The following TRABD2B variants were observed in gnomAD, a reference collection of about 807,000 sequenced individuals.
TRABD2B encodes TraB domain containing 2B.
TRABD2B carries 14 observed loss-of-function variants against 40.1 expected under a neutral mutation model. That is an observed-to-expected ratio of 0.35 (90% CI 0.23 to 0.55). The LOEUF is 0.55. Among genes scored for constraint, TRABD2B ranks in the 20% least tolerant of loss-of-function variants. The probability of loss-of-function intolerance (pLI) is 0.90; values close to 1 mark genes in which losing one functional copy is unlikely to be tolerated. For synonymous variants in TRABD2B, 263 were observed against 277.0 expected, an observed-to-expected ratio of 0.95 and a Z score of 0.50; for missense variants, 541 against 648.6, an observed-to-expected ratio of 0.83 and a Z score of 1.80.
chr1:47,770,092 C>G (rs1644359067), intron 6 of TRABD2B, among the ~76,000 whole-genome samples: 1 of 152,206 alleles, frequency 6.6e-6, no homozygotes. Context: ...AGGATCTGGG[C>G]ATCCCAAGCC....
Position 47,996,673 on chromosome 1 carries a change from C to CA in TRABD2B, c.102+14dup, listed in dbSNP as rs1289931620. The CA allele has an allele frequency of 8.1e-7, 1 of 1,228,702 alleles. No individual in the cohort carries two copies. The highest frequency in any genetic ancestry group is 1.6e-5 in the African/African-American group (1 of 64,174). 76.1% of individuals were successfully genotyped at this position (1,228,702 alleles called of 1,614,324 possible). A position where few individuals can be genotyped will look rare whatever the true frequency, so the allele number is the denominator to read the frequency against. The stretch of plus-strand genomic sequence containing the variant: ...CCAGGCAGGCGGGAGAGTGGCCGGG[C>CA]AGGCGCTCGCTCACCGATCCGGGCG... On this transcript the variant is annotated intron_variant, in intron 1 of 6. Coordinates refer to ENST00000606738, the MANE Select transcript of TRABD2B (RefSeq NM_001194986.2). This position sits in a 1 kb window ranked among gnomAD's most constrained non-coding sequence, Gnocchi z 4.6.
intron 2 of TRABD2B, among the ~76,000 whole-genome samples, chr1:47,984,099 C>T (rs1645881570): frequency 6.6e-6 from 1 of 152,230 alleles, no homozygotes; most frequent in Non-Finnish European, 1.5e-5. Flanking sequence ...CAGGAGATAA[C>T]ACTGGCCAGG....
intron 2 of TRABD2B, among the ~76,000 whole-genome samples, chr1:47,857,857 C>T (rs185619525): frequency 4.8e-4 from 73 of 152,022 alleles, no homozygotes; most frequent in Non-Finnish European, 6.2e-4. Flanking sequence ...AGGACTGTGC[C>T]AAGCATTTTG....
intron 2 of TRABD2B, among the ~76,000 whole-genome samples, chr1:47,913,462 C>A (rs1233778676): frequency 6.6e-6 from 1 of 152,180 alleles, no homozygotes; most frequent in Non-Finnish European, 1.5e-5. Flanking sequence ...TCTAGGAAAC[C>A]CAGCTCACTG....
In TRABD2B at chr1:47,994,734, C is replaced by T; in HGVS notation, c.103-137G>A. On this transcript the variant is annotated intron_variant, in intron 1 of 6. Coordinates refer to ENST00000606738, the MANE Select transcript of TRABD2B (RefSeq NM_001194986.2). The surrounding 1 kb of genome is among the most constrained non-coding windows in gnomAD (Gnocchi z 6.7). ...CACAGGCCGTGGTAAAGAGCCAGGT[C>T]TTTGGAGCCTGAAAGACCCACATTG... 1.3e-6 allele frequency: 1 copy of T among 745,354 alleles called. No individual in the cohort carries two copies. The highest frequency in any genetic ancestry group is 2.1e-6 in the Non-Finnish European group (1 of 469,688). 46.2% of individuals were successfully genotyped at this position (745,354 alleles called of 1,614,324 possible).
At chr1:47,794,543 C>T (rs1418441606) in intron 4 of TRABD2B, 43 bp downstream of exon 4, 1 of 1,481,660 alleles carries the variant, frequency 6.7e-7, no homozygotes, top group Non-Finnish European at 9.0e-7. Context: ...AAGCAAATCT[C>T]CCAGGATTCT....
chr1:47,792,655 C>T (rs552365798), intron 4 of TRABD2B, among the ~76,000 whole-genome samples: 15 of 152,294 alleles, frequency 9.8e-5, no homozygotes, highest in Admixed American at 2.6e-4. Flanking sequence ...TTAGTGTCCA[C>T]GGCTCCCCTC....
chr1:47,878,241 G>A lies in TRABD2B; in HGVS notation c.667-76622C>T, dbSNP rs537490064. 7.1e-4 allele frequency among the ~76,000 whole-genome samples: 108 copies of A among 152,176 alleles called. 3 individuals are homozygous for A. The South Asian group carries it at 0.02, about 28-fold the overall frequency. ...TGAGGCAGGAGAATTGCTTGAACCCGAGAAGCGGAGGTTGCAGTGAGCCGA... is the reference window on the plus strand; with the variant it reads ...TGAGGCAGGAGAATTGCTTGAACCCAAGAAGCGGAGGTTGCAGTGAGCCGA... On this transcript the variant is annotated intron_variant, in intron 2 of 6. Coordinates refer to ENST00000606738, the MANE Select transcript of TRABD2B (RefSeq NM_001194986.2).
At chr1:47,912,624 A>T (rs1245417053) in intron 2 of TRABD2B, among the ~76,000 whole-genome samples, 1 of 152,132 alleles carries the variant, frequency 6.6e-6, no homozygotes, top group Non-Finnish European at 1.5e-5. Context: ...GGAGTGGTGG[A>T]GTTTTAACTC....
intron 3 of TRABD2B, among the ~76,000 whole-genome samples, chr1:47,797,758 G>A (rs1187188049): frequency 6.6e-6 from 1 of 152,140 alleles, no homozygotes; most frequent in Non-Finnish European, 1.5e-5. Flanking sequence ...AATTAATGAT[G>A]TCATTAGACT....
chr1:47,845,999 G>C (rs955135909), intron 2 of TRABD2B, among the ~76,000 whole-genome samples: 4 of 152,196 alleles, frequency 2.6e-5, no homozygotes, highest in Non-Finnish European at 5.9e-5. Flanking sequence ...AAGGGTGGAG[G>C]AAGTGTCTCT....
intron 2 of TRABD2B, among the ~76,000 whole-genome samples, chr1:47,885,403 G>GT (rs1370903346): frequency 6.6e-6 from 1 of 152,208 alleles, no homozygotes; most frequent in Non-Finnish European, 1.5e-5. Flanking sequence ...CTTTCAGGCT[G>GT]TGGGATCCTT....
At chr1:47,845,893 G>A (rs1330258095) in intron 2 of TRABD2B, among the ~76,000 whole-genome samples, 1 of 152,188 alleles carries the variant, frequency 6.6e-6, no homozygotes, top group Non-Finnish European at 1.5e-5. Flanking sequence ...AACAATGCCT[G>A]GCACATAGTA....
chr1:47,876,489 C>A (rs1475543859), intron 2 of TRABD2B, among the ~76,000 whole-genome samples: 1 of 152,216 alleles, frequency 6.6e-6, no homozygotes, highest in Non-Finnish European at 1.5e-5. Flanking sequence ...CAAGAGGCCT[C>A]TAGCTGGGAG....
At chr1:47,913,068 G>C (rs1155279) in intron 2 of TRABD2B, among the ~76,000 whole-genome samples, 146,983 of 152,300 alleles carry the variant, frequency 0.97, 71,100 homozygotes, top group South Asian at 1. Context: ...TCAGTTCCCC[G>C]ACCAGGCCCA....
At chr1:47,936,291 G>T (rs770805424) in intron 2 of TRABD2B, among the ~76,000 whole-genome samples, 1 of 152,154 alleles carries the variant, frequency 6.6e-6, no homozygotes, top group Non-Finnish European at 1.5e-5. Flanking sequence ...GAAATAACAG[G>T]CCACCCTAAG....
rs181878513 is a variant in TRABD2B at position 47,808,322 on chromosome 1, T to G, written c.667-6703A>C. On this transcript the variant is annotated intron_variant, in intron 2 of 6. Coordinates refer to ENST00000606738, the MANE Select transcript of TRABD2B (RefSeq NM_001194986.2). ...TGTGTGTGTGTGTGTATAAAATGTA[T>G]ATACCTATATATATATTTACAGAGA... Among the ~76,000 whole-genome samples the G allele has an allele frequency of 2.8e-4, 42 of 152,346 alleles. No individual in the cohort carries two copies. In the East Asian group the frequency reaches 7.3e-3, roughly 27 times the overall value.
chr1:47,947,508 G>A (rs1645275988), intron 2 of TRABD2B, among the ~76,000 whole-genome samples: 1 of 152,128 alleles, frequency 6.6e-6, no homozygotes. Context: ...AAACAGAGAG[G>A]CTGAAGGCAA....
intron 2 of TRABD2B, among the ~76,000 whole-genome samples, chr1:47,812,131 AT>A (rs1297817411): frequency 2.0e-5 from 3 of 152,262 alleles, no homozygotes; most frequent in Admixed American, 2.0e-4. Context: ...TTCTATTTCT[AT>A]TCTTCAGTAA....
Sources: gnomAD v4.1 joint callset for allele counts (sites outside exome capture counted in the v4.1 genomes callset) on GRCh38, gnomAD v4.1.1 for gene constraint, Gnocchi (gnomAD v3.1) non-coding constraint, MANE v1.5 for transcripts, NCBI Gene and HGNC (gene_info 2026-07-23, HGNC 2026-07-21) for gene names.